The following SPMIP4 variants were observed in gnomAD, a reference collection of about 807,000 sequenced individuals.
SPMIP4 encodes the protein sperm-associated microtubule inner protein 4.
At chr7:25,153,316 C>G in the SPMIP4 span, among the ~76,000 whole-genome samples, 5 of 152,010 alleles carry the variant, frequency 3.3e-5, no homozygotes, top group Non-Finnish European at 5.9e-5. Context: ...GTAATCCCAG[C>G]ACTTTGTGAG....
At chr7:25,137,623 C>T in the SPMIP4 span, among the ~76,000 whole-genome samples, 1 of 152,130 alleles carries the variant, frequency 6.6e-6, no homozygotes, top group African/African-American at 2.4e-5. Flanking sequence ...TCTTTAGTGT[C>T]CCTTGGCTTG....
chr7:25,137,401 G>A, the SPMIP4 span, among the ~76,000 whole-genome samples: 2 of 150,558 alleles, frequency 1.3e-5, no homozygotes, highest in African/African-American at 2.4e-5. Flanking sequence ...AGAGTAATGC[G>A]AACCTCATGA....
the SPMIP4 span, among the ~76,000 whole-genome samples, chr7:25,130,114 C>T: frequency 6.6e-6 from 1 of 151,840 alleles, no homozygotes; most frequent in East Asian, 2.0e-4. Context: ...TGGTGCATGC[C>T]TGTAATCCCA....
chr7:25,167,475 T>C, the SPMIP4 span, among the ~76,000 whole-genome samples: 1 of 152,244 alleles, frequency 6.6e-6, no homozygotes, highest in Non-Finnish European at 1.5e-5. Flanking sequence ...ATTATTTATG[T>C]TGATGTCTGA....
chr7:25,154,294 T>C, the SPMIP4 span, among the ~76,000 whole-genome samples: 1 of 152,218 alleles, frequency 6.6e-6, no homozygotes, highest in Non-Finnish European at 1.5e-5. Flanking sequence ...CTCACCTAAA[T>C]GCACTCAACA....
the SPMIP4 span, among the ~76,000 whole-genome samples, chr7:25,164,318 T>C: frequency 6.6e-6 from 1 of 152,154 alleles, no homozygotes; most frequent in Admixed American, 6.5e-5. Flanking sequence ...GAATTGATAA[T>C]GATGTGGTAA....
At chr7:25,153,042 C>G in the SPMIP4 span, among the ~76,000 whole-genome samples, 2 of 152,024 alleles carry the variant, frequency 1.3e-5, no homozygotes, top group East Asian at 3.9e-4. Context: ...CCACACCTGG[C>G]CCATGCTTCT....
the SPMIP4 span, among the ~76,000 whole-genome samples, chr7:25,156,654 A>G: frequency 2.0e-4 from 30 of 152,244 alleles, no homozygotes; most frequent in African/African-American, 5.5e-4. Context: ...CCTGTCCCCA[A>G]TCAAAGGAGT....
the SPMIP4 span, among the ~76,000 whole-genome samples, chr7:25,157,542 A>G: frequency 6.6e-6 from 1 of 152,306 alleles, no homozygotes; most frequent in East Asian, 1.9e-4. Context: ...ACAGAACTTT[A>G]TCTCTGTGGT....
chr7:25,130,577 G>C, the SPMIP4 span, among the ~76,000 whole-genome samples: 1 of 152,128 alleles, frequency 6.6e-6, no homozygotes, highest in Non-Finnish European at 1.5e-5. Flanking sequence ...GCCTCCCAAA[G>C]TGCTGGGATT....
the SPMIP4 span, among the ~76,000 whole-genome samples, chr7:25,128,469 A>G: frequency 6.6e-6 from 1 of 152,176 alleles, no homozygotes; most frequent in African/African-American, 2.4e-5. The surrounding 1 kb of genome is among the most constrained non-coding windows in gnomAD (Gnocchi z 4.5). Flanking sequence ...GTCCTTCCCC[A>G]TGACCACCAT....
the SPMIP4 span, among the ~76,000 whole-genome samples, chr7:25,165,932 T>C: frequency 6.6e-6 from 1 of 152,198 alleles, no homozygotes; most frequent in Non-Finnish European, 1.5e-5. Context: ...AACACCCCGC[T>C]TCCCAGCCTT....
the SPMIP4 span, chr7:25,142,959 A>G: frequency 1.9e-6 from 1 of 519,314 alleles, no homozygotes; most frequent in Non-Finnish European, 3.4e-6. Context: ...CTAGTTAATT[A>G]CTAATTGCTA....
At chr7:25,138,153 T>C in the SPMIP4 span, among the ~76,000 whole-genome samples, 2 of 152,096 alleles carry the variant, frequency 1.3e-5, no homozygotes, top group African/African-American at 2.4e-5. This position sits in a 1 kb window ranked among gnomAD's most constrained non-coding sequence, Gnocchi z 6.2. Context: ...AAAAAATTCA[T>C]TATAACTGTG....
the SPMIP4 span, among the ~76,000 whole-genome samples, chr7:25,130,805 G>T: frequency 2.6e-5 from 4 of 152,204 alleles, no homozygotes; most frequent in Non-Finnish European, 5.9e-5. Context: ...TAGTTAGCTT[G>T]GCCTATGCCC....
the SPMIP4 span, among the ~76,000 whole-genome samples, chr7:25,178,386 T>C: frequency 6.6e-6 from 1 of 152,174 alleles, no homozygotes; most frequent in Non-Finnish European, 1.5e-5. Context: ...CTGTTTTGAG[T>C]TCTTTGAGAA....
the SPMIP4 span, among the ~76,000 whole-genome samples, chr7:25,154,067 GGTGA>G: frequency 3.9e-5 from 6 of 152,204 alleles, no homozygotes; most frequent in African/African-American, 1.4e-4. Context: ...ATGGACCGCA[GGTGA>G]GTAAGTGGCA....
At chr7:25,129,585 A>G in the SPMIP4 span, among the ~76,000 whole-genome samples, 2 of 152,036 alleles carry the variant, frequency 1.3e-5, no homozygotes, top group Non-Finnish European at 2.9e-5. Flanking sequence ...TGATGTTAAA[A>G]CCAGGTACTG....
At chr7:25,174,953 G>C in the SPMIP4 span, among the ~76,000 whole-genome samples, 3 of 152,174 alleles carry the variant, frequency 2.0e-5, no homozygotes, top group Non-Finnish European at 2.9e-5. This position sits in a 1 kb window ranked among gnomAD's most constrained non-coding sequence, Gnocchi z 4.5. Flanking sequence ...AAATCCACTT[G>C]AGTAAAGTAA....
Sources: gnomAD v4.1 joint callset for allele counts (sites outside exome capture counted in the v4.1 genomes callset) on GRCh38, gnomAD v4.1.1 for gene constraint, Gnocchi (gnomAD v3.1) non-coding constraint, MANE v1.5 for transcripts, NCBI Gene and HGNC (gene_info 2026-07-23, HGNC 2026-07-21) for gene names.